COG4: variants seen among roughly 807,000 people sequenced by gnomAD.
The protein encoded by COG4 is conserved oligomeric Golgi complex subunit 4.
Under a neutral mutation model 95.1 loss-of-function variants are expected in COG4, and 65 were observed. The ratio of observed to expected loss-of-function variants is 0.68; its 90% CI spans 0.56 to 0.84. COG4 has a LOEUF of 0.84. COG4 is among the 40% of genes least tolerant of loss of function. The pLI is 0.00. For synonymous variants in COG4, 421 were observed against 374.8 expected, an observed-to-expected ratio of 1.12 and a Z score of -1.42; for missense variants, 1,045 against 989.1, an observed-to-expected ratio of 1.06 and a Z score of -0.76.
intron 14 of COG4, among the ~76,000 whole-genome samples, chr16:70,483,635 G>C (rs2049060940): frequency 6.6e-6 from 1 of 152,140 alleles, no homozygotes; most frequent in African/African-American, 2.4e-5. Context: ...GCAAAGTCTA[G>C]AGCACCAGAT....
chr16:70,482,057 A>G (rs548004914), intron 16 of COG4, 35 bp downstream of exon 16: 10 of 1,559,954 alleles, frequency 6.4e-6, no homozygotes, highest in South Asian at 4.4e-5. Context: ...TGACGTGGGT[A>G]ATTCCCTAAG....
At chr16:70,487,163 T>C (rs113107038) in intron 13 of COG4, among the ~76,000 whole-genome samples, 18,286 of 150,198 alleles carry the variant, frequency 0.12, 3,663 homozygotes, top group African/African-American at 0.42. Flanking sequence ...TGGTGTCAGG[T>C]GCCTGTAATC....
chr16:70,489,827 G>A (rs2049208695), intron 13 of COG4, among the ~76,000 whole-genome samples: 1 of 151,712 alleles, frequency 6.6e-6, no homozygotes, highest in Non-Finnish European at 1.5e-5. Context: ...TCTAATTTGT[G>A]TGTTATTTTG....
At chr16:70,508,616 G>A in intron 7 of COG4, 152 bp from the exon 8 acceptor site, 2 of 724,418 alleles carry the variant, frequency 2.8e-6, no homozygotes, top group Middle Eastern at 2.3e-4. Flanking sequence ...TGGGCTTTCA[G>A]GATGACAGGC....
intron 9 of COG4, among the ~76,000 whole-genome samples, chr16:70,500,648 A>G (rs1234428863): frequency 6.6e-6 from 1 of 152,124 alleles, no homozygotes; most frequent in East Asian, 1.9e-4. Flanking sequence ...GATGTGAGCC[A>G]CCGTACCTGG....
intron 9 of COG4, 57 bp from the exon 10 acceptor site, chr16:70,498,112 AC>A (rs1310774136): frequency 9.3e-7 from 1 of 1,081,048 alleles, no homozygotes; most frequent in African/African-American, 1.5e-5. Context: ...AAACAGAGCA[AC>A]TTTTTTCATT....
chr16:70,487,871 C>G (rs1322953025), intron 13 of COG4, among the ~76,000 whole-genome samples: 1 of 152,038 alleles, frequency 6.6e-6, no homozygotes, highest in African/African-American at 2.4e-5. Context: ...GTTGCCTAGG[C>G]TGGAGTGCAG....
At chr16:70,496,542 GAATAACC>G in intron 11 of COG4, 111 bp from the exon 12 acceptor site, 1 of 1,079,446 alleles carries the variant, frequency 9.3e-7, no homozygotes, top group African/African-American at 1.6e-5. Context: ...CTTTTAGGGG[GAATAACC>G]AGTCCTTAAG....
At chr16:70,500,432 G>T (rs936471057) in intron 9 of COG4, among the ~76,000 whole-genome samples, 1 of 140,958 alleles carries the variant, frequency 7.1e-6, no homozygotes. Context: ...GCAGTGGCGT[G>T]ATCTTGGCCC....
At chr16:70,499,438 C>T (rs1398588600) in intron 9 of COG4, among the ~76,000 whole-genome samples, 1 of 152,204 alleles carries the variant, frequency 6.6e-6, no homozygotes, top group African/African-American at 2.4e-5. Context: ...TGTAATGCCC[C>T]TGCCACATAT....
At position 70,514,991 on chromosome 16, in the gene COG4, G is replaced by C. The variant is rs141201380; in HGVS notation, c.370-482C>G. ...GGCTTCCCAAAGTGCTGGGATTACAGGTCTGAGTCACAGAGCCCAACTTTT... is the reference window on the plus strand; with the variant it reads ...GGCTTCCCAAAGTGCTGGGATTACACGTCTGAGTCACAGAGCCCAACTTTT... On this transcript the variant is annotated intron_variant, in intron 3 of 18. Transcript: ENST00000323786. Among the ~76,000 whole-genome samples the C allele has an allele frequency of 3.6e-4, 54 of 149,564 alleles. 1 individual carries two copies. The East Asian group carries it at 0.01, about 28-fold the overall frequency.
chr16:70,481,772 AG>A lies in COG4; in HGVS notation c.2097del (p.Phe700LeufsTer13). ...VELEKVVLKS[T>X]FNRLGGLQFD... ...TGACCCCTTTACCTTACCCGGTTAA[AG>A]GTGGATTTCAGCACCACTTTCTCCA... On this transcript the variant is annotated frameshift_variant, in exon 17 of 19. Coordinates refer to ENST00000323786, the MANE Select transcript of COG4 (RefSeq NM_015386.3). LOFTEE classifies it high-confidence loss of function. 6.2e-7 allele frequency: 1 copy of A among 1,613,884 alleles called. No homozygotes were observed. The highest frequency in any genetic ancestry group is 1.1e-5 in the South Asian group (1 of 91,052).
At chr16:70,482,299 A>ACATG in intron 15 of COG4, 124 bp from the exon 16 acceptor site, 1 of 754,306 alleles carries the variant, frequency 1.3e-6, no homozygotes. Flanking sequence ...CTTCTGACTC[A>ACATG]TCTAGTTTAA....
At chr16:70,501,953 T>G (rs1028238608) in intron 8 of COG4, among the ~76,000 whole-genome samples, 1 of 151,976 alleles carries the variant, frequency 6.6e-6, no homozygotes, top group Admixed American at 6.6e-5. Context: ...ATTACAGGCA[T>G]GAGCTACAGT....
intron 15 of COG4, chr16:70,482,397 T>C: frequency 4.8e-6 from 3 of 627,728 alleles, no homozygotes; most frequent in Non-Finnish European, 8.5e-6. Flanking sequence ...GTAAAGTTCC[T>C]GGCATTTTAT....
intron 14 of COG4, 99 bp downstream of exon 14, chr16:70,483,754 C>A (rs577951733): frequency 3.2e-6 from 3 of 942,928 alleles, no homozygotes; most frequent in Non-Finnish European, 3.5e-6. Context: ...CTCCCTCACC[C>A]GTCCTCCTGG....
At chr16:70,483,752 C>T in intron 14 of COG4, 101 bp downstream of exon 14, 3 of 927,630 alleles carry the variant, frequency 3.2e-6, no homozygotes, top group Non-Finnish European at 3.6e-6. Flanking sequence ...TGCTCCCTCA[C>T]CCGTCCTCCT....
At position 70,496,253 on chromosome 16, in the gene COG4, G is replaced by A. The variant is rs768691305; in HGVS notation, c.1647+13C>T. 1.9e-6 allele frequency: 3 copies of A among 1,614,152 alleles called. No individual in the cohort carries two copies. In the Admixed American group the frequency reaches 5.0e-5, roughly 27 times the overall value. Reference sequence around the variant, plus strand: ...GATAAACCAACCCAGCTCGTGAGCTGTGGGGTACCTACCAGGAAGGACATC... The same window carrying A: ...GATAAACCAACCCAGCTCGTGAGCTATGGGGTACCTACCAGGAAGGACATC... On this transcript the variant is annotated intron_variant, in intron 12 of 18. Coordinates refer to ENST00000323786, the MANE Select transcript of COG4 (RefSeq NM_015386.3).
intron 2 of COG4, among the ~76,000 whole-genome samples, chr16:70,518,715 C>T (rs1381369151): frequency 1.3e-5 from 2 of 152,010 alleles, no homozygotes; most frequent in African/African-American, 4.8e-5. Context: ...TGGTGGCTTA[C>T]TCCTGTAATA....
Sources: allele counts gnomAD v4.1 joint callset (sites outside exome capture counted in the v4.1 genomes callset), GRCh38; gene constraint gnomAD v4.1.1; transcripts MANE v1.5; gene names NCBI Gene and HGNC (gene_info 2026-07-23, HGNC 2026-07-21).